The following EPSTI1 variants were observed in gnomAD, a reference collection of about 807,000 sequenced individuals.
The protein encoded by EPSTI1 is epithelial stromal interaction 1.
A neutral mutation model predicts 49.9 loss-of-function variants in EPSTI1; 66 were observed. The observed-to-expected ratio is 1.32, with a 90% CI of 1.08 to 1.62. The LOEUF is 1.62. Ranked by LOEUF, EPSTI1 falls within the 40% of genes most tolerant of loss-of-function variation. The probability of loss-of-function intolerance (pLI) is 0.00; values close to 1 mark genes in which losing one functional copy is unlikely to be tolerated. For missense variants in EPSTI1, 394 were observed against 365.5 expected (o/e 1.08, Z -0.64); for synonymous variants, 137 against 130.7 (o/e 1.05, Z -0.33).
chr13:42,911,600 A>G (rs565945058), intron 8 of EPSTI1, among the ~76,000 whole-genome samples: 1 of 152,268 alleles, frequency 6.6e-6, no homozygotes, highest in Non-Finnish European at 1.5e-5. Context: ...TTTTTAATTC[A>G]TTAGCATAGC....
intron 8 of EPSTI1, among the ~76,000 whole-genome samples, chr13:42,903,221 A>AAAT (rs55691212): frequency 0.79 from 120,430 of 151,730 alleles, 49,458 homozygotes; most frequent in Non-Finnish European, 0.92. Flanking sequence ...TGTTACTTTA[A>AAAT]AATTTTTAAG....
chr13:42,979,600 A>G (rs1367414853), intron 1 of EPSTI1, among the ~76,000 whole-genome samples: 6,983 of 138,320 alleles, frequency 0.05, 210 homozygotes, highest in African/African-American at 0.061. Flanking sequence ...AAAAAAAAAA[A>G]AAGAAAAGAA....
At chr13:42,927,278 C>A (rs762972743) in intron 6 of EPSTI1, among the ~76,000 whole-genome samples, 9 of 152,198 alleles carry the variant, frequency 5.9e-5, no homozygotes, top group Non-Finnish European at 1.2e-4. Flanking sequence ...TAGTCCTTAC[C>A]TCAGTGCCTG....
chr13:42,959,110 T>C (rs2153430079), intron 5 of EPSTI1, among the ~76,000 whole-genome samples: 1 of 152,318 alleles, frequency 6.6e-6, no homozygotes, highest in East Asian at 1.9e-4. Context: ...TACTAAGGGC[T>C]GTGTATATAT....
rs564991968 is a variant in EPSTI1, at chr13:42,958,053, T to G, written c.490-4032A>C. Reference sequence around the variant, plus strand: ...TCCCAGTGTCCTGGGATTACAGGCATGAATCACTCCGCCCAGCTGGATTTT... The same window carrying G: ...TCCCAGTGTCCTGGGATTACAGGCAGGAATCACTCCGCCCAGCTGGATTTT... On this transcript the variant is annotated intron_variant, in intron 5 of 10. Transcript: ENST00000313624. Among the ~76,000 whole-genome samples, 6 of 152,344 alleles carry G rather than the reference T, an allele frequency of 3.9e-5. No individual in the cohort carries two copies. The South Asian group carries it at 1.2e-3, about 32-fold the overall frequency.
chr13:42,969,217 C>T, intron 2 of EPSTI1, 40 bp from the exon 3 acceptor site: 2 of 1,593,790 alleles, frequency 1.3e-6, no homozygotes, highest in Non-Finnish European at 8.6e-7. Flanking sequence ...AATTATTAGA[C>T]TTCTAAAAGA....
intron 8 of EPSTI1, among the ~76,000 whole-genome samples, chr13:42,911,641 T>G (rs1481639015): frequency 1.3e-5 from 2 of 152,212 alleles, no homozygotes; most frequent in Non-Finnish European, 2.9e-5. Context: ...TTTAAACTTT[T>G]CCAAATCTAT....
intron 5 of EPSTI1, among the ~76,000 whole-genome samples, chr13:42,956,459 A>G (rs2039274383): frequency 6.6e-6 from 1 of 152,144 alleles, no homozygotes; most frequent in African/African-American, 2.4e-5. Flanking sequence ...GGGTTACTAC[A>G]CTCCATTATA....
intron 1 of EPSTI1, among the ~76,000 whole-genome samples, chr13:42,988,496 G>T (rs9533335): frequency 1.3e-5 from 2 of 152,106 alleles, no homozygotes; most frequent in African/African-American, 4.8e-5. Context: ...ACTTTGGGAG[G>T]CCGAGGCAGG....
In EPSTI1 at chr13:42,927,985, G is replaced by A. The variant is rs74062862; in HGVS notation, c.564-1556C>T. 3.8e-3 allele frequency among the ~76,000 whole-genome samples: 581 copies of A among 152,344 alleles called. 5 individuals carry two copies. Among genetic ancestry groups the A allele is most frequent in the African/African-American group, 0.013 (559 of 41,572 alleles). On this transcript the variant is annotated intron_variant, in intron 6 of 10. Coordinates refer to ENST00000313624, the MANE Select transcript of EPSTI1 (RefSeq NM_033255.5). ...TGTGACAAGCAAGGAAGAAACTTCAGACCAAGTTGACAGGCAGCCCTTCAG... is the reference window on the plus strand; with the variant it reads ...TGTGACAAGCAAGGAAGAAACTTCAAACCAAGTTGACAGGCAGCCCTTCAG...
chr13:42,940,397 T>C (rs190578520), intron 6 of EPSTI1, among the ~76,000 whole-genome samples: 53 of 152,340 alleles, frequency 3.5e-4, no homozygotes, highest in African/African-American at 1.2e-3. Context: ...TCTAACACTA[T>C]GTTCCTTCAT....
In EPSTI1 at chr13:42,886,768, C is replaced by G. The variant is rs1434066564; in HGVS notation, c.*1726G>C. 6.6e-6 allele frequency: 1 copy of G among 152,184 alleles called. No individual in the cohort carries two copies. Among genetic ancestry groups the G allele is most frequent in the Non-Finnish European group, 1.5e-5 (1 of 68,044 alleles). 9.4% of individuals were successfully genotyped at this position (152,184 alleles called of 1,614,324 possible). On this transcript the variant is annotated 3_prime_UTR_variant, in exon 11 of 11. Transcript: ENST00000313624. ...ATAGTTCTGGTCATGAAGTAAGTCA[C>G]AATTTTCCATATCTGCACAATTTTT...
chr13:42,910,107 A>G (rs2037622226), intron 8 of EPSTI1, among the ~76,000 whole-genome samples: 1 of 152,164 alleles, frequency 6.6e-6, no homozygotes, highest in South Asian at 2.1e-4. Flanking sequence ...TGTGGATTCC[A>G]GGAAAGTTTT....
chr13:42,987,014 A>G (rs1337842142), intron 1 of EPSTI1, among the ~76,000 whole-genome samples: 2 of 152,114 alleles, frequency 1.3e-5, no homozygotes, highest in African/African-American at 4.8e-5. Context: ...CATCTCTTCC[A>G]CTTGACTGAG....
intron 8 of EPSTI1, 122 bp from the exon 9 acceptor site, chr13:42,900,505 T>TA: frequency 5.6e-6 from 5 of 895,004 alleles, no homozygotes; most frequent in Non-Finnish European, 8.6e-6. Flanking sequence ...AACTTTTACT[T>TA]AAGTACTATT....
rs573358694 is a variant in EPSTI1 at position 42,926,504 on chromosome 13, T to C, written c.564-75A>G. ...AATTCTTTATTTTTCCTTTGGATAC[T>C]AACCTAGACTTATTTGGGTGATGAT... is the stretch of plus-strand genomic sequence containing the variant. On this transcript the variant is annotated intron_variant, in intron 6 of 10. Transcript: ENST00000313624. 2.3e-5 allele frequency: 19 copies of C among 831,292 alleles called. No homozygotes were observed. In the East Asian group the frequency reaches 4.4e-4, roughly 19 times the overall value. 51.5% of individuals were successfully genotyped at this position (831,292 alleles called of 1,614,324 possible). A position where few individuals can be genotyped will look rare whatever the true frequency, so the allele number is the denominator to read the frequency against.
chr13:42,936,824 AAACTT>A (rs1326306060), intron 6 of EPSTI1, among the ~76,000 whole-genome samples: 1 of 152,188 alleles, frequency 6.6e-6, no homozygotes, highest in African/African-American at 2.4e-5. Flanking sequence ...ATGTAAACTT[AAACTT>A]AACTTAAACT....
intron 1 of EPSTI1, among the ~76,000 whole-genome samples, chr13:42,984,162 A>G (rs922926527): frequency 2.0e-5 from 3 of 152,242 alleles, no homozygotes; most frequent in Non-Finnish European, 4.4e-5. Context: ...ATATTGAGCC[A>G]TCAAGATTAC....
chr13:42,969,061 T>G (rs2039698730), intron 3 of EPSTI1, 33 bp downstream of exon 3: 2 of 1,611,036 alleles, frequency 1.2e-6, no homozygotes, highest in African/African-American at 1.3e-5. Flanking sequence ...GGCCCCGCCC[T>G]CCCTCATTCC....
Sources: gnomAD v4.1 joint callset for allele counts (sites outside exome capture counted in the v4.1 genomes callset) on GRCh38, gnomAD v4.1.1 for gene constraint, MANE v1.5 for transcripts, NCBI Gene and HGNC (gene_info 2026-07-23, HGNC 2026-07-21) for gene names.